PALM2AKAP2: variants seen among roughly 807,000 people sequenced by gnomAD.
PALM2AKAP2 encodes PALM2 and AKAP2 fusion.
PALM2AKAP2 carries 37 observed loss-of-function variants against 71.5 expected under a neutral mutation model. The ratio of observed to expected loss-of-function variants is 0.52; its 90% CI spans 0.40 to 0.68. PALM2AKAP2 has a LOEUF of 0.68. Ranked by LOEUF, PALM2AKAP2 falls within the 30% of genes least tolerant of loss-of-function variation. The pLI, the probability that PALM2AKAP2 is intolerant of heterozygous loss-of-function variation, is 0.00. For missense variants in PALM2AKAP2, 1,224 were observed against 1,191.8 expected (o/e 1.03, Z -0.40); for synonymous variants, 468 against 478.8 (o/e 0.98, Z 0.29).
At position 110,138,347 on chromosome 9, in the gene PALM2AKAP2, G is replaced by T. The variant is rs150611744; in HGVS notation, c.2377G>T (p.Val793Leu). 6.3e-5 allele frequency: 102 copies of T among 1,614,080 alleles called. No homozygotes were observed. The highest frequency in any genetic ancestry group is 8.2e-5 in the Non-Finnish European group (97 of 1,180,042). Reference sequence around the variant, plus strand: ...CCTCCTGGCCACTCAAGAATCTGACGTGATGGTTGGGCCTTTCAAGCTGAG... The same window carrying T: ...CCTCCTGGCCACTCAAGAATCTGACTTGATGGTTGGGCCTTTCAAGCTGAG... Residue 793 changes from valine (V) to leucine (L), a missense_variant, in exon 2 of 4, where the codon GTG becomes TTG. Transcript: ENST00000374525.
At chr9:109,780,337 C>G, upstream of PALM2AKAP2, 1 of 1,518,802 alleles carries the variant, frequency 6.6e-7, no homozygotes. Flanking sequence ...GCGCACAGCT[C>G]TGCCCGCCGC....
At chr9:110,110,610 G>A (rs757645777) in intron 1 of PALM2AKAP2, among the ~76,000 whole-genome samples, 8 of 139,170 alleles carry the variant, frequency 5.7e-5, no homozygotes, top group African/African-American at 8.1e-5. Context: ...GCAGTGGTAC[G>A]ATCTTGGCTC....
intron 7 of PALM2AKAP2, among the ~76,000 whole-genome samples, chr9:110,038,889 C>T (rs959917300): frequency 1.9e-3 from 140 of 72,056 alleles, no homozygotes; most frequent in Non-Finnish European, 2.9e-3. Flanking sequence ...TGCAGTGAGC[C>T]GCGATTGTGC....
At chr9:110,064,737 T>G (rs1834038801) in intron 1 of PALM2AKAP2, among the ~76,000 whole-genome samples, 1 of 152,208 alleles carries the variant, frequency 6.6e-6, no homozygotes, top group Admixed American at 6.5e-5. Flanking sequence ...TCCTTTGCAA[T>G]TTGATGTGGA....
chr9:110,112,857 C>T lies in PALM2AKAP2; in HGVS notation c.157-23270C>T, dbSNP rs539411265. On this transcript the variant is annotated intron_variant, in intron 1 of 3. Transcript: ENST00000374525. ...AGCTATCAAGAGTACTGACCTCCTA[C>T]GCTTGTTTTGAGGAATAAATGTAAT... is the stretch of plus-strand genomic sequence containing the variant. Among the ~76,000 whole-genome samples, 17 of 152,352 alleles carry T rather than the reference C, an allele frequency of 1.1e-4. No homozygotes were observed. The East Asian group carries it at 2.1e-3, about 19-fold the overall frequency.
At chr9:109,868,198 G>C (rs1829508690) in intron 2 of PALM2AKAP2, among the ~76,000 whole-genome samples, 1 of 152,128 alleles carries the variant, frequency 6.6e-6, no homozygotes, top group African/African-American at 2.4e-5. Flanking sequence ...GAGAGAGAGA[G>C]AGACAGCACA....
At chr9:109,899,939 T>G (rs1437817279) in intron 3 of PALM2AKAP2, among the ~76,000 whole-genome samples, 1 of 152,196 alleles carries the variant, frequency 6.6e-6, no homozygotes, top group Non-Finnish European at 1.5e-5. Context: ...TTTTTCTCTA[T>G]CCTCCTCTAG....
chr9:109,814,735 C>T (rs1225715444), intron 1 of PALM2AKAP2, among the ~76,000 whole-genome samples: 4 of 152,220 alleles, frequency 2.6e-5, no homozygotes, highest in African/African-American at 9.6e-5. Flanking sequence ...ATTTTGAACA[C>T]ATGTATATCT....
intron 1 of PALM2AKAP2, among the ~76,000 whole-genome samples, chr9:109,718,300 C>A (rs1025819329): frequency 4.6e-5 from 7 of 151,988 alleles, no homozygotes; most frequent in South Asian, 4.2e-4. Flanking sequence ...GGCTGGTCTC[C>A]AACTCCTGAG....
chr9:110,051,596 T>A (rs1175733189), intron 1 of PALM2AKAP2, among the ~76,000 whole-genome samples: 1 of 152,178 alleles, frequency 6.6e-6, no homozygotes, highest in Non-Finnish European at 1.5e-5. Context: ...TGAAATTGAA[T>A]TTGGATGGAG....
chr9:109,847,537 C>G (rs571449357), intron 1 of PALM2AKAP2: 1 of 152,104 alleles, frequency 6.6e-6, no homozygotes. Flanking sequence ...GTCAGGAGAT[C>G]GAGACCATCC....
chr9:110,129,652 G>T (rs1033989100), intron 1 of PALM2AKAP2, among the ~76,000 whole-genome samples: 1 of 152,184 alleles, frequency 6.6e-6, no homozygotes, highest in African/African-American at 2.4e-5. Context: ...ACCAGAAAAT[G>T]GGGATGCCAC....
At chr9:109,911,936 A>C (rs1258942287) in intron 3 of PALM2AKAP2, among the ~76,000 whole-genome samples, 1 of 152,206 alleles carries the variant, frequency 6.6e-6, no homozygotes, top group Non-Finnish European at 1.5e-5. Context: ...AATGCTGTGG[A>C]GAATCAGAAT....
intron 1 of PALM2AKAP2, among the ~76,000 whole-genome samples, chr9:109,773,722 G>T (rs768671643): frequency 2.8e-4 from 43 of 152,206 alleles, no homozygotes; most frequent in Non-Finnish European, 5.7e-4. Flanking sequence ...GCAGAGTTAG[G>T]ATTAGGACCT....
At chr9:109,699,530 G>T (rs145651997) in intron 1 of PALM2AKAP2, among the ~76,000 whole-genome samples, 2 of 152,034 alleles carry the variant, frequency 1.3e-5, no homozygotes, top group Admixed American at 1.3e-4. Context: ...AAAATTATAG[G>T]CCAGAACATT....
intron 1 of PALM2AKAP2, among the ~76,000 whole-genome samples, chr9:109,783,998 T>A (rs1283674600): frequency 6.6e-6 from 1 of 152,220 alleles, no homozygotes; most frequent in East Asian, 1.9e-4. Context: ...TGAGAAAAGA[T>A]GACTCTTATC....
intron 7 of PALM2AKAP2, among the ~76,000 whole-genome samples, chr9:110,040,921 A>G (rs192770829): frequency 6.6e-6 from 1 of 152,330 alleles, no homozygotes; most frequent in Admixed American, 6.5e-5. Context: ...TGCCATGCTT[A>G]AAGAGTACCT....
At chr9:109,692,568 T>C (rs1827914442) in intron 1 of PALM2AKAP2, among the ~76,000 whole-genome samples, 1 of 152,132 alleles carries the variant, frequency 6.6e-6, no homozygotes, top group Non-Finnish European at 1.5e-5. Context: ...CATGTAGCTA[T>C]AGGTTTTTTA....
chr9:109,809,128 C>T (rs928616216), intron 1 of PALM2AKAP2, among the ~76,000 whole-genome samples: 1 of 152,206 alleles, frequency 6.6e-6, no homozygotes, highest in East Asian at 1.9e-4. Context: ...CACACAGTGT[C>T]CCCACTAGGG....
Sources: allele counts gnomAD v4.1 joint callset (sites outside exome capture counted in the v4.1 genomes callset), GRCh38; gene constraint gnomAD v4.1.1; transcripts MANE v1.5; gene names NCBI Gene and HGNC (gene_info 2026-07-23, HGNC 2026-07-21).